The following HMCN2 variants were observed in gnomAD, a reference collection of about 807,000 sequenced individuals.
HMCN2 encodes hemicentin-2.
A neutral mutation model predicts 377.5 loss-of-function variants in HMCN2; 325 were observed. The observed-to-expected ratio is 0.86, with a 90% CI of 0.79 to 0.94. The LOEUF (loss-of-function observed/expected upper bound fraction) is 0.94. Among genes scored for constraint, HMCN2 ranks in the 40% least tolerant of loss-of-function variants. HMCN2 has a pLI of 0.00. For synonymous variants in HMCN2, 2,007 were observed against 2,046.8 expected (o/e 0.98, Z 0.53); for missense variants, 4,543 against 4,725.3 (o/e 0.96, Z 1.13).
In HMCN2 at chr9:130,287,758, G is replaced by A. The variant is rs570527219; in HGVS notation, c.612+1448G>A. Among the ~76,000 whole-genome samples the A allele has an allele frequency of 3.3e-5, 5 of 152,268 alleles. No individual in the cohort carries two copies. In the South Asian group the frequency reaches 1.0e-3, roughly 32 times the overall value. ...TTTCCCAGCTCAGAGCAGGTGCTGG[G>A]TAAATAGCTGGTGAATGGACAGGGT... On this transcript the variant is annotated intron_variant, in intron 4 of 97. Coordinates refer to ENST00000683500, the MANE Select transcript of HMCN2 (RefSeq NM_001291815.2).
chr9:130,291,359 G>T (rs1835753798), intron 4 of HMCN2, among the ~76,000 whole-genome samples: 1 of 152,142 alleles, frequency 6.6e-6, no homozygotes, highest in African/African-American at 2.4e-5. Flanking sequence ...ACGGGCGCCT[G>T]CCACCACACC....
rs1372299127 is a variant in HMCN2, at chr9:130,396,052, C to T, written c.11040C>T (p.Arg3680=). 1.5e-5 allele frequency: 19 copies of T among 1,284,104 alleles called. No individual in the cohort carries two copies. Among genetic ancestry groups the T allele is most frequent in the East Asian group, 5.6e-5 (1 of 17,948 alleles). 79.5% of individuals were successfully genotyped at this position (1,284,104 alleles called of 1,614,324 possible). The stretch of plus-strand genomic sequence containing the variant: ...CAGGCAGCACTAGTGTCGCCTTCCG[C>T]GTGGAGATCCACAGTGAGTAGGGCC... The part of the protein sequence containing the change: ...NAAGSTSVAF[R]VEIHTVPTIR... The change falls in exon 72 of 98, where the codon CGC becomes CGT. Residue 3680 remains arginine (R), a synonymous_variant. Transcript: ENST00000683500.
intron 56 of HMCN2, among the ~76,000 whole-genome samples, chr9:130,383,108 C>A (rs539345578): frequency 6.6e-6 from 1 of 152,312 alleles, no homozygotes; most frequent in East Asian, 1.9e-4. Flanking sequence ...CAGAGCCCAG[C>A]ACCGCACACA....
intron 5 of HMCN2, 21 bp from the exon 6 acceptor site, chr9:130,295,645 C>G: frequency 2.1e-6 from 1 of 469,084 alleles, no homozygotes; most frequent in Non-Finnish European, 4.4e-6. Flanking sequence ...AGGGACTGAG[C>G]AGCCCTTGGG....
At chr9:130,367,187 G>A (rs542705455) in intron 43 of HMCN2, among the ~76,000 whole-genome samples, 1 of 152,220 alleles carries the variant, frequency 6.6e-6, no homozygotes, top group Non-Finnish European at 1.5e-5. Context: ...GAGACCCCAG[G>A]GGCAGATATG....
intron 86 of HMCN2, among the ~76,000 whole-genome samples, chr9:130,420,905 A>AT (rs966966218): frequency 8.8e-4 from 133 of 151,062 alleles, no homozygotes; most frequent in African/African-American, 3.1e-3. Context: ...CAGCCTCCTT[A>AT]TTTTTTTTTA....
chr9:130,370,825 C>T (rs1482371820), intron 45 of HMCN2, 139 bp from the exon 46 acceptor site: 5 of 393,312 alleles, frequency 1.3e-5, no homozygotes, highest in Non-Finnish European at 1.7e-5. Flanking sequence ...TTAGGGGGAG[C>T]AGCTCTGCTC....
intron 1 of HMCN2, among the ~76,000 whole-genome samples, chr9:130,273,756 C>T (rs1554922009): frequency 6.6e-6 from 1 of 152,228 alleles, no homozygotes; most frequent in East Asian, 1.9e-4. Flanking sequence ...CCTCAGCCTC[C>T]CAAAGTGCTG....
chr9:130,430,324 C>G lies in HMCN2; in HGVS notation c.14367C>G (p.Tyr4789Ter). 1 of 1,546,192 alleles carries G rather than the reference C, an allele frequency of 6.5e-7. No individual in the cohort carries two copies. The highest frequency in any genetic ancestry group is 8.7e-7 in the Non-Finnish European group (1 of 1,146,878). The change falls in exon 95 of 98, where the codon TAC (tyrosine) becomes TAG (stop). Residue 4789 changes from tyrosine to a stop codon, truncating the protein, a stop_gained. Transcript: ENST00000683500. LOFTEE classifies it high-confidence loss of function. ...ECLQLPKACA[Y>*]QCHNLQGSYR... Reference sequence around the variant, plus strand: ...TGCAGCTGCCCAAGGCCTGCGCCTACCAGTGCCACAACCTCCAGGGCAGCT... The same window carrying G: ...TGCAGCTGCCCAAGGCCTGCGCCTAGCAGTGCCACAACCTCCAGGGCAGCT...
In HMCN2 at chr9:130,407,566, C is replaced by T. The variant is rs1364965166; in HGVS notation, c.12554-5C>T. ...CTGCACCCGACTTCTCTTTCTCCACCACAGAAGGGGTGTCTGAGCAGGATG... is the reference window on the plus strand; with the variant it reads ...CTGCACCCGACTTCTCTTTCTCCACTACAGAAGGGGTGTCTGAGCAGGATG... On this transcript the variant is annotated splice_region_variant and splice_polypyrimidine_tract_variant and intron_variant, in intron 82 of 97. Coordinates refer to ENST00000683500, the MANE Select transcript of HMCN2 (RefSeq NM_001291815.2). 3.1e-6 allele frequency: 4 copies of T among 1,289,286 alleles called. No individual in the cohort carries two copies. The highest frequency in any genetic ancestry group is 1.5e-5 in the African/African-American group (1 of 65,838). 79.9% of individuals were successfully genotyped at this position (1,289,286 alleles called of 1,614,324 possible). A position where few individuals can be genotyped will look rare whatever the true frequency, so the allele number is the denominator to read the frequency against.
In HMCN2 at chr9:130,422,377, A is replaced by T. The variant is rs1844069112; in HGVS notation, c.13232-200A>T. On this transcript the variant is annotated intron_variant, in intron 86 of 97. Coordinates refer to ENST00000683500, the MANE Select transcript of HMCN2 (RefSeq NM_001291815.2). The surrounding 1 kb of genome is among the most constrained non-coding windows in gnomAD (Gnocchi z 4.2). ...CCGCCCTGAGCCCAGGGTTCCTCCT[A>T]ACAGCCTCCCTTCCCTTTTAGAGCC... 6.6e-6 allele frequency among the ~76,000 whole-genome samples: 1 copy of T among 152,170 alleles called. No homozygotes were observed. The highest frequency in any genetic ancestry group is 1.5e-5 in the Non-Finnish European group (1 of 68,018).
rs575844231 is a variant in HMCN2 at position 130,430,449 on chromosome 9, G to A, written c.14492G>A (p.Arg4831Gln). Residue 4831 changes from arginine to glutamine, a missense_variant, in exon 95 of 98, where the codon CGA becomes CAA. Transcript: ENST00000683500. ...NGQNVTTVSH[R>Q]GPLLPWLRPW... ...CAAAATGTGACCACCGTCAGCCACCGAGGCCCTCTATTGCCCTGGCTGCGG... is the reference window on the plus strand; with the variant it reads ...CAAAATGTGACCACCGTCAGCCACCAAGGCCCTCTATTGCCCTGGCTGCGG... 8.4e-6 allele frequency: 13 copies of A among 1,550,586 alleles called. No individual in the cohort carries two copies. The highest frequency in any genetic ancestry group is 3.9e-5 in the Admixed American group (2 of 51,012).
chr9:130,374,301 C>G (rs1841258396), intron 48 of HMCN2, among the ~76,000 whole-genome samples: 1 of 152,178 alleles, frequency 6.6e-6, no homozygotes, highest in Non-Finnish European at 1.5e-5. Context: ...TAAGCCATCT[C>G]TAGCCATTCC....
At chr9:130,329,219 C>T (rs1838295368) in intron 22 of HMCN2, among the ~76,000 whole-genome samples, 1 of 152,198 alleles carries the variant, frequency 6.6e-6, no homozygotes, top group African/African-American at 2.4e-5. Context: ...CTATTCTGGA[C>T]ATTTGATATA....
intron 77 of HMCN2, among the ~76,000 whole-genome samples, chr9:130,402,361 G>A (rs760419165): frequency 1.4e-4 from 21 of 152,234 alleles, no homozygotes; most frequent in Non-Finnish European, 2.9e-4. Context: ...AAGGCCAGGA[G>A]GATAAAGGGA....
At chr9:130,278,900 T>TC (rs1459052757) in intron 1 of HMCN2, among the ~76,000 whole-genome samples, 5 of 147,286 alleles carry the variant, frequency 3.4e-5, no homozygotes, top group Non-Finnish European at 7.5e-5. Context: ...ATTTTCTTTT[T>TC]CTTTTTTTTT....
intron 90 of HMCN2, among the ~76,000 whole-genome samples, chr9:130,426,401 G>A (rs1185094355): frequency 6.6e-6 from 1 of 152,226 alleles, no homozygotes; most frequent in African/African-American, 2.4e-5. Context: ...TTGAATGAGA[G>A]ACAGTGCTAA....
intron 90 of HMCN2, among the ~76,000 whole-genome samples, chr9:130,426,836 T>A (rs569454177): frequency 6.6e-6 from 1 of 152,084 alleles, no homozygotes; most frequent in African/African-American, 2.4e-5. Context: ...CAATTCTTCT[T>A]CTTCCAGCGT....
chr9:130,429,669 C>T lies in HMCN2; in HGVS notation c.14310C>T (p.Pro4770=). Residue 4770 remains proline, a synonymous_variant, in exon 94 of 98, where the codon CCC becomes CCT. Coordinates refer to ENST00000683500, the MANE Select transcript of HMCN2 (RefSeq NM_001291815.2). ...CCAGGGGTTACCGGATGCAGGGCCC[C>T]AGCCTGCCCTGCCTAGGTACGGGGA... ...SCPRGYRMQG[P]SLPCLDVNEC... 3.9e-6 allele frequency: 6 copies of T among 1,538,054 alleles called. No individual in the cohort carries two copies. The highest frequency in any genetic ancestry group is 5.3e-6 in the Non-Finnish European group (6 of 1,139,598).
Sources: allele counts gnomAD v4.1 joint callset (sites outside exome capture counted in the v4.1 genomes callset), GRCh38; gene constraint gnomAD v4.1.1; non-coding constraint Gnocchi (gnomAD v3.1); transcripts MANE v1.5; gene names NCBI Gene and HGNC (gene_info 2026-07-23, HGNC 2026-07-21).